Variants in NCBP2 observed in about 807,000 individuals in gnomAD.
NCBP2 encodes nuclear cap-binding protein subunit 2.
Under a neutral mutation model 21.5 loss-of-function variants are expected in NCBP2, and 8 were observed. The observed-to-expected ratio is 0.37, with a 90% CI of 0.22 to 0.67. The LOEUF is 0.67. NCBP2 is among the 30% of genes least tolerant of loss of function. The pLI, the probability that NCBP2 is intolerant of heterozygous loss-of-function variation, is 0.56. For synonymous variants in NCBP2, 92 were observed against 75.8 expected (o/e 1.21, Z -1.11); for missense variants, 127 against 206.9 (o/e 0.61, Z 2.37).
chr3:196,937,607 A>T lies in NCBP2; in HGVS notation c.302T>A (p.Ile101Lys). ...TCGGTCATCCAGACGCGTCCCATTT[A>T]TGTACCGCATGGCGTTTTCCGCATC... Reference protein sequence around the residue: ...RADAENAMRYINGTRLDDRII... With the variant: ...RADAENAMRYKNGTRLDDRII... The change falls in exon 3 of 4, where the codon ATA (isoleucine) becomes AAA (lysine). Residue 101 changes from isoleucine (I) to lysine (K), a missense_variant. Coordinates refer to ENST00000321256, the MANE Select transcript of NCBP2 (RefSeq NM_007362.5). The T allele has an allele frequency of 1.2e-6, 2 of 1,614,162 alleles. No individual in the cohort carries two copies. The highest frequency in any genetic ancestry group is 1.7e-6 in the Non-Finnish European group (2 of 1,180,036).
At chr3:196,941,063 G>A (rs1489551917) in intron 1 of NCBP2, 1 of 152,038 alleles carries the variant, frequency 6.6e-6, no homozygotes, top group Admixed American at 6.6e-5. Flanking sequence ...GCAATAAAGC[G>A]AGACTCTGTC....
At chr3:196,938,655 T>C (rs768523020) in intron 2 of NCBP2, 2 of 152,300 alleles carry the variant, frequency 1.3e-5, no homozygotes, top group Admixed American at 6.5e-5. Flanking sequence ...TCTTTAAAGA[T>C]GGGGTCTTAA....
Position 196,939,260 on chromosome 3 carries a change from C to G in NCBP2, c.251G>C (p.Cys84Ser). The G allele has an allele frequency of 6.2e-7, 1 of 1,613,468 alleles. No individual in the cohort carries two copies. Among genetic ancestry groups the G allele is most frequent in the Non-Finnish European group, 8.5e-7 (1 of 1,179,406 alleles). Residue 84 changes from cysteine (C) to serine (S), a missense_variant, in exon 2 of 4, where the codon TGT becomes TCT. Physicochemically the swap from Cys to Ser is moderately radical, Grantham distance 112. Transcript: ENST00000321256. Reference sequence around the variant, plus strand: ...TCCATGGGAAGGATACTCCACAAAACAGAATCCACATGCTGTTTTCTTCAT... The same window carrying G: ...TCCATGGGAAGGATACTCCACAAAAGAGAATCCACATGCTGTTTTCTTCAT... ...DKMKKTACGFCFVEYYSRADA... is the reference protein window; with the variant it reads ...DKMKKTACGFSFVEYYSRADA...
chr3:196,937,866 G>T, intron 2 of NCBP2: 1 of 555,116 alleles, frequency 1.8e-6, no homozygotes, highest in Non-Finnish European at 3.2e-6. Flanking sequence ...CATATTTCTT[G>T]GACATTCCTG....
chr3:196,939,176 G>T (rs1716409076), intron 2 of NCBP2, 75 bp downstream of exon 2: 5 of 1,351,430 alleles, frequency 3.7e-6, no homozygotes, highest in East Asian at 4.6e-5. Context: ...AGGGACGAGT[G>T]CAGGGACGCT....
chr3:196,941,683 A>G, intron 1 of NCBP2: 1 of 434,586 alleles, frequency 2.3e-6, no homozygotes, highest in Non-Finnish European at 4.2e-6. Context: ...CCGCCCCGCC[A>G]ACCCCCAACC....
In NCBP2 at chr3:196,942,506, T is replaced by A; in HGVS notation, c.-3A>T. On this transcript the variant is annotated 5_prime_UTR_variant, in exon 1 of 4. Coordinates refer to ENST00000321256, the MANE Select transcript of NCBP2 (RefSeq NM_007362.5). ...GCCTTCAGGAGGCCACCCGACATAG[T>A]GCAGAGAAGCGGACCACAATGCGGC... 1.2e-6 allele frequency: 2 copies of A among 1,611,996 alleles called. No individual in the cohort carries two copies. Among genetic ancestry groups the A allele is most frequent in the Non-Finnish European group, 1.7e-6 (2 of 1,179,230 alleles).
intron 1 of NCBP2, chr3:196,940,911 C>G (rs908942423): frequency 1.3e-5 from 2 of 152,260 alleles, no homozygotes; most frequent in Non-Finnish European, 2.9e-5. Flanking sequence ...CAGGGAGACC[C>G]TGTCTCTACA....
intron 3 of NCBP2, 154 bp from the exon 4 acceptor site, chr3:196,937,236 G>A (rs1033889884): frequency 2.3e-5 from 19 of 837,362 alleles, no homozygotes; most frequent in South Asian, 3.1e-5. Context: ...ACTTCAGTGC[G>A]TTTTGCTTTC....
Position 196,936,150 on chromosome 3 carries a change from A to G in NCBP2, c.*861T>C, listed in dbSNP as rs1461478861. On this transcript the variant is annotated 3_prime_UTR_variant, in exon 4 of 4. Transcript: ENST00000321256. The stretch of plus-strand genomic sequence containing the variant: ...ATCTCCCCTACCCCTGAAATTATTT[A>G]GAGGTTCCCTCTATGACAAACCCTT... 1.3e-5 allele frequency: 2 copies of G among 152,220 alleles called. No homozygotes were observed. The highest frequency in any genetic ancestry group is 4.8e-5 in the African/African-American group (2 of 41,460). The allele number at this position is 152,220 out of a possible 1,614,324, so 9.4% of individuals were successfully genotyped here.
intron 2 of NCBP2, chr3:196,938,045 C>T (rs186114756): frequency 2.8e-4 from 46 of 164,420 alleles, no homozygotes; most frequent in Admixed American, 1.8e-3. Context: ...CTGCACTTCA[C>T]TAAAGGAAAG....
At chr3:196,938,953 A>G in intron 2 of NCBP2, 1 of 251,990 alleles carries the variant, frequency 4.0e-6, no homozygotes, top group Non-Finnish European at 7.5e-6. Context: ...GGCAAAGGGC[A>G]TTAGGGGTTT....
rs1210778207 is a variant in NCBP2, at chr3:196,936,196, A to G, written c.*815T>C. ...CCCTTGCTTTTTTTTAGCTTTAGGT[A>G]TAACACTGACATCTTTTGAAAAACG... is the stretch of plus-strand genomic sequence containing the variant. On this transcript the variant is annotated 3_prime_UTR_variant, in exon 4 of 4. Transcript: ENST00000321256. 2.6e-5 allele frequency: 4 copies of G among 152,166 alleles called. No homozygotes were observed. Among genetic ancestry groups the G allele is most frequent in the African/African-American group, 9.7e-5 (4 of 41,436 alleles). The allele number at this position is 152,166 out of a possible 1,614,324, so 9.4% of individuals were successfully genotyped here. A position where few individuals can be genotyped will look rare whatever the true frequency, so the allele number is the denominator to read the frequency against.
intron 3 of NCBP2, 186 bp downstream of exon 3, chr3:196,937,324 G>A (rs1716310733): frequency 1.2e-6 from 1 of 863,900 alleles, no homozygotes; most frequent in African/African-American, 1.7e-5. Context: ...GAAACGTACA[G>A]AACATACCAT....
rs772210711 is a variant in NCBP2, at chr3:196,937,492, G to A, written c.399+18C>T. 1 of 1,613,486 alleles carries A rather than the reference G, an allele frequency of 6.2e-7. No individual in the cohort carries two copies. Among genetic ancestry groups the A allele is most frequent in the South Asian group, 1.1e-5 (1 of 91,080 alleles). ...GAATCCCAGGCAATGGCTGAGCCCA[G>A]AGACCCTTCTTGCATACCTGGCCCC... On this transcript the variant is annotated intron_variant, in intron 3 of 3. Coordinates refer to ENST00000321256, the MANE Select transcript of NCBP2 (RefSeq NM_007362.5).
chr3:196,941,721 T>A, intron 1 of NCBP2: 1 of 528,034 alleles, frequency 1.9e-6, no homozygotes, highest in Non-Finnish European at 3.4e-6. Flanking sequence ...CCGCTGATAC[T>A]GAAAAGTCTA....
At chr3:196,940,432 T>C (rs1171706416) in intron 1 of NCBP2, among the ~76,000 whole-genome samples, 3 of 152,198 alleles carry the variant, frequency 2.0e-5, no homozygotes, top group African/African-American at 7.2e-5. Flanking sequence ...TTTCGGAACT[T>C]TGGAGTGAGA....
Position 196,936,656 on chromosome 3 carries a change from A to C in NCBP2, c.*355T>G, listed in dbSNP as rs1716278441. Reference sequence around the variant, plus strand: ...AGGCCCCAATGTAGATCATGAACCTACTTAAGACTCATTATGGTAAAAACA... The same window carrying C: ...AGGCCCCAATGTAGATCATGAACCTCCTTAAGACTCATTATGGTAAAAACA... On this transcript the variant is annotated 3_prime_UTR_variant, in exon 4 of 4. Transcript: ENST00000321256. The C allele has an allele frequency of 3.5e-6, 1 of 282,266 alleles. No homozygotes were observed. Among genetic ancestry groups the C allele is most frequent in the Admixed American group, 4.8e-5 (1 of 20,750 alleles). The allele number at this position is 282,266 out of a possible 1,614,324, so 17.5% of individuals were successfully genotyped here.
intron 2 of NCBP2, 88 bp from the exon 3 acceptor site, chr3:196,937,736 A>ACAAGAGCTAATCCAACCAGATG: frequency 6.6e-7 from 1 of 1,511,470 alleles, no homozygotes; most frequent in Non-Finnish European, 9.1e-7. Flanking sequence ...GTTAAAAAGT[A>ACAAGAGCTAATCCAACCAGATG]CAAGAGCTAA....
Sources: gnomAD v4.1 joint callset for allele counts (sites outside exome capture counted in the v4.1 genomes callset) on GRCh38, gnomAD v4.1.1 for gene constraint, MANE v1.5 for transcripts, NCBI Gene and HGNC (gene_info 2026-07-23, HGNC 2026-07-21) for gene names.